USP32: variants seen among roughly 807,000 people sequenced by gnomAD.
The protein encoded by USP32 is ubiquitin specific peptidase 32, also known as ubiquitin carboxyl-terminal hydrolase 32.
A neutral mutation model predicts 204.8 loss-of-function variants in USP32; 59 were observed. That is an observed-to-expected ratio of 0.29 (90% confidence interval 0.23 to 0.36). USP32 has a LOEUF of 0.36. USP32 is among the 10% of genes least tolerant of loss of function. The pLI is 1.00. For missense variants in USP32, 1,160 were observed against 1,946.4 expected, an observed-to-expected ratio of 0.60 and a Z score of 7.60; for synonymous variants, 517 against 678.4, an observed-to-expected ratio of 0.76 and a Z score of 3.70.
intron 2 of USP32, among the ~76,000 whole-genome samples, chr17:60,323,041 T>C (rs1598244393): frequency 1.3e-5 from 2 of 152,276 alleles, no homozygotes; most frequent in East Asian, 3.9e-4. Context: ...CCACATATAC[T>C]ATTGGTAGAA....
chr17:60,251,763 G>A (rs1380337383), intron 11 of USP32, among the ~76,000 whole-genome samples: 1 of 151,962 alleles, frequency 6.6e-6, no homozygotes, highest in Non-Finnish European at 1.5e-5. Context: ...AAGACATAGA[G>A]ATTTTATTAA....
chr17:60,401,348 C>T (rs909192642), intron 1 of USP32, among the ~76,000 whole-genome samples: 2 of 151,818 alleles, frequency 1.3e-5, no homozygotes, highest in African/African-American at 2.4e-5. Flanking sequence ...CCAGCCTGGG[C>T]GACAGAGTGA....
intron 13 of USP32, among the ~76,000 whole-genome samples, chr17:60,223,864 C>T (rs534750422): frequency 5.9e-5 from 9 of 152,312 alleles, no homozygotes; most frequent in East Asian, 5.8e-4. Flanking sequence ...ATATGTCCTC[C>T]GACTGGAAGG....
At chr17:60,402,115 G>A (rs2089940101) in intron 1 of USP32, among the ~76,000 whole-genome samples, 1 of 152,136 alleles carries the variant, frequency 6.6e-6, no homozygotes, top group East Asian at 1.9e-4. Flanking sequence ...GCATGTATTA[G>A]CTGCACCCAA....
intron 1 of USP32, among the ~76,000 whole-genome samples, chr17:60,355,886 GTAA>G (rs2089063131): frequency 1.9e-5 from 1 of 53,418 alleles, no homozygotes; most frequent in Non-Finnish European, 3.3e-5. Flanking sequence ...CTGAACCTCT[GTAA>G]AAAAAAAAAA....
intron 1 of USP32, among the ~76,000 whole-genome samples, chr17:60,401,133 G>A (rs2089931598): frequency 6.6e-6 from 1 of 151,780 alleles, no homozygotes; most frequent in Non-Finnish European, 1.5e-5. Flanking sequence ...TCCAACCTGG[G>A]TGACAGAAAC....
intron 16 of USP32, chr17:60,219,449 T>G (rs2145555984): frequency 1.8e-6 from 1 of 567,484 alleles, no homozygotes; most frequent in South Asian, 2.4e-5. Flanking sequence ...TCTAGTCTTG[T>G]GCATGACCAT....
At chr17:60,264,308 G>A (rs1212676545) in intron 9 of USP32, among the ~76,000 whole-genome samples, 10 of 148,732 alleles carry the variant, frequency 6.7e-5, no homozygotes, top group African/African-American at 2.5e-4. Flanking sequence ...CTTGAGCCCA[G>A]GAGTTTGCAA....
At chr17:60,237,883 C>A (rs2085774504) in intron 11 of USP32, among the ~76,000 whole-genome samples, 1 of 152,142 alleles carries the variant, frequency 6.6e-6, no homozygotes, top group South Asian at 2.1e-4. Context: ...AACAGTGGTA[C>A]TATGAAAGTT....
chr17:60,292,694 A>G (rs902452268), intron 4 of USP32, among the ~76,000 whole-genome samples: 7 of 151,560 alleles, frequency 4.6e-5, no homozygotes, highest in Non-Finnish European at 1.0e-4. Context: ...GGTAATCATG[A>G]CCCTCATGCC....
intron 1 of USP32, among the ~76,000 whole-genome samples, chr17:60,361,244 T>C (rs2089200859): frequency 6.6e-6 from 1 of 152,180 alleles, no homozygotes; most frequent in Admixed American, 6.6e-5. Context: ...GCCCATTCAG[T>C]CTTCCCCAAG....
At chr17:60,302,280 C>T (rs1474750644) in intron 2 of USP32, among the ~76,000 whole-genome samples, 4 of 151,996 alleles carry the variant, frequency 2.6e-5, no homozygotes, top group South Asian at 2.1e-4. Flanking sequence ...GATTACAGGC[C>T]ACTTGGGATT....
chr17:60,402,268 T>A (rs567861301), intron 1 of USP32, among the ~76,000 whole-genome samples: 42 of 137,572 alleles, frequency 3.1e-4, no homozygotes, highest in Admixed American at 1.2e-3. Context: ...TTTTTTTTTT[T>A]AATACAGAGT....
At chr17:60,355,415 A>AGACC (rs375914358) in intron 1 of USP32, among the ~76,000 whole-genome samples, 135 of 152,346 alleles carry the variant, frequency 8.9e-4, no homozygotes, top group African/African-American at 2.8e-3. Context: ...ACCTGTAAGG[A>AGACC]GACCGATTGC....
chr17:60,187,699 T>TA (rs372399235), intron 29 of USP32, among the ~76,000 whole-genome samples: 16 of 152,380 alleles, frequency 1.1e-4, no homozygotes, highest in African/African-American at 3.4e-4. Flanking sequence ...AGAAGGCTGA[T>TA]AAAAAACATA....
Position 60,335,839 on chromosome 17 carries a change from A to G in USP32, c.186+9642T>C, listed in dbSNP as rs943500944. ...TCTTGTTGTTGCATTGAATTTTGCA[A>G]CATGTATAACCAAATTCTGATTAAG... On this transcript the variant is annotated intron_variant, in intron 2 of 33. Coordinates refer to ENST00000300896, the MANE Select transcript of USP32 (RefSeq NM_032582.4). Among the ~76,000 whole-genome samples, 17 of 143,248 alleles carry G rather than the reference A, an allele frequency of 1.2e-4. 1 individual carries two copies. Among genetic ancestry groups the G allele is most frequent in the Non-Finnish European group, 2.2e-4 (15 of 67,788 alleles). 94.0% of individuals were successfully genotyped at this position (143,248 alleles called of 152,430 possible).
At chr17:60,287,731 T>A (rs1476058363) in intron 5 of USP32, among the ~76,000 whole-genome samples, 2 of 152,130 alleles carry the variant, frequency 1.3e-5, no homozygotes, top group African/African-American at 4.8e-5. Context: ...TAATATAGCT[T>A]CATTAAGGAC....
chr17:60,294,820 G>A lies in USP32; in HGVS notation c.293-19C>T. 1.3e-6 allele frequency: 2 copies of A among 1,531,702 alleles called. No homozygotes were observed. Among genetic ancestry groups the A allele is most frequent in the Non-Finnish European group, 1.8e-6 (2 of 1,111,400 alleles). 94.9% of individuals were successfully genotyped at this position (1,531,702 alleles called of 1,614,324 possible). A position where few individuals can be genotyped will look rare whatever the true frequency, so the allele number is the denominator to read the frequency against. ...AAAATGTCTAAGAAAAAGAAAGATA[G>A]AATAAATTAATCTTAACAAAGACCA... On this transcript the variant is annotated intron_variant, in intron 3 of 33. Coordinates refer to ENST00000300896, the MANE Select transcript of USP32 (RefSeq NM_032582.4).
chr17:60,224,274 T>C (rs563451457), intron 13 of USP32, among the ~76,000 whole-genome samples: 1 of 152,332 alleles, frequency 6.6e-6, no homozygotes, highest in South Asian at 2.1e-4. Flanking sequence ...TCACAAGTTA[T>C]ATGGTAAGCA....
Sources: gnomAD v4.1 joint callset for allele counts (sites outside exome capture counted in the v4.1 genomes callset) on GRCh38, gnomAD v4.1.1 for gene constraint, MANE v1.5 for transcripts, NCBI Gene and HGNC (gene_info 2026-07-23, HGNC 2026-07-21) for gene names.